STK39: variants seen among roughly 807,000 people sequenced by gnomAD.
The protein encoded by STK39 is STE20/SPS1-related proline-alanine-rich protein kinase.
A neutral mutation model predicts 77.8 loss-of-function variants in STK39; 20 were observed. The ratio of observed to expected loss-of-function variants is 0.26; its 90% CI spans 0.18 to 0.37. The LOEUF (loss-of-function observed/expected upper bound fraction) is 0.37. Among genes scored for constraint, STK39 ranks in the 10% least tolerant of loss-of-function variants. The pLI is 1.00. For synonymous variants in STK39, 246 were observed against 234.1 expected, an observed-to-expected ratio of 1.05 and a Z score of -0.47; for missense variants, 479 against 656.5, an observed-to-expected ratio of 0.73 and a Z score of 2.95.
At chr2:168,199,225 G>A (rs1277191929) in intron 1 of STK39, among the ~76,000 whole-genome samples, 2 of 152,208 alleles carry the variant, frequency 1.3e-5, no homozygotes, top group African/African-American at 4.8e-5. Context: ...AAAGCCAGCA[G>A]CAGCCTCTCT....
intron 2 of STK39, among the ~76,000 whole-genome samples, chr2:168,178,202 G>T (rs41500244): frequency 1.3e-5 from 2 of 152,014 alleles, no homozygotes; most frequent in African/African-American, 4.8e-5. Context: ...AACAAATGTG[G>T]GGTTAACAAA....
intron 5 of STK39, among the ~76,000 whole-genome samples, chr2:168,151,044 C>T (rs552301670): frequency 1.3e-5 from 2 of 152,124 alleles, no homozygotes; most frequent in Non-Finnish European, 1.5e-5. Flanking sequence ...GGGCCCCAAC[C>T]ATGGCATGGT....
At chr2:168,066,242 T>C (rs1685792310) in intron 12 of STK39, among the ~76,000 whole-genome samples, 1 of 152,224 alleles carries the variant, frequency 6.6e-6, no homozygotes, top group Non-Finnish European at 1.5e-5. Context: ...GAAAAGTGTA[T>C]TGATGTCTGC....
intron 1 of STK39, among the ~76,000 whole-genome samples, chr2:168,223,555 G>T (rs1314510480): frequency 6.6e-6 from 1 of 151,254 alleles, no homozygotes; most frequent in Non-Finnish European, 1.5e-5. Flanking sequence ...TTCTTATCCT[G>T]AAGTTTGAGA....
At chr2:168,182,576 A>G (rs996373282) in intron 1 of STK39, among the ~76,000 whole-genome samples, 10 of 152,216 alleles carry the variant, frequency 6.6e-5, no homozygotes, top group African/African-American at 2.4e-4. Context: ...TAGTATTCTC[A>G]TGTTGAAAGC....
At chr2:168,138,669 A>G (rs2105526312) in intron 7 of STK39, among the ~76,000 whole-genome samples, 1 of 152,348 alleles carries the variant, frequency 6.6e-6, no homozygotes, top group South Asian at 2.1e-4. Flanking sequence ...CCCTAAAAAT[A>G]AAACCACAAC....
At chr2:168,136,294 G>A (rs1168740075) in intron 8 of STK39, among the ~76,000 whole-genome samples, 1 of 151,206 alleles carries the variant, frequency 6.6e-6, no homozygotes, top group South Asian at 2.1e-4. Context: ...ACTTGAACCC[G>A]GGAGGTAGAG....
intron 14 of STK39, among the ~76,000 whole-genome samples, chr2:168,054,557 A>C (rs966887004): frequency 7.9e-5 from 12 of 152,236 alleles, no homozygotes; most frequent in African/African-American, 2.9e-4. Context: ...GAGAACACCC[A>C]AAAAATGAAG....
At chr2:167,969,876 AAGCCAT>A (rs1162562924) in intron 16 of STK39, among the ~76,000 whole-genome samples, 1 of 151,790 alleles carries the variant, frequency 6.6e-6, no homozygotes, top group Non-Finnish European at 1.5e-5. Context: ...TCTCAGAGTA[AAGCCAT>A]GGTCTCTACA....
At chr2:168,158,838 A>T (rs1383715044) in intron 5 of STK39, among the ~76,000 whole-genome samples, 2 of 152,226 alleles carry the variant, frequency 1.3e-5, no homozygotes, top group Admixed American at 6.5e-5. Flanking sequence ...CTCAAGACAC[A>T]TTAGTTCCTG....
At chr2:167,981,603 T>C (rs773798525) in intron 16 of STK39, among the ~76,000 whole-genome samples, 1 of 152,224 alleles carries the variant, frequency 6.6e-6, no homozygotes, top group Non-Finnish European at 1.5e-5. Context: ...AAAAAGTCTC[T>C]TGTCCCGGTG....
At chr2:168,183,039 C>A (rs969952569) in intron 1 of STK39, among the ~76,000 whole-genome samples, 2 of 152,284 alleles carry the variant, frequency 1.3e-5, no homozygotes, top group Non-Finnish European at 2.9e-5. Context: ...AAAGGGAAAG[C>A]AGGGGAGTAT....
intron 1 of STK39, among the ~76,000 whole-genome samples, chr2:168,211,162 A>G (rs771188344): frequency 3.3e-5 from 5 of 152,188 alleles, no homozygotes; most frequent in Middle Eastern, 3.2e-3. Flanking sequence ...ATTAGCTATA[A>G]ATCTAGACAA....
At position 168,237,451 on chromosome 2, in the gene STK39, G is replaced by A. The variant is rs1003515169; in HGVS notation, c.208+9777C>T. ...TACCCTTTATTTCCTTCTCCTGCCT[G>A]ATTGCCCTGGCCAGAACTTCCAACA... On this transcript the variant is annotated intron_variant, in intron 1 of 17. Transcript: ENST00000355999. Among the ~76,000 whole-genome samples, 15 of 152,286 alleles carry A rather than the reference G, an allele frequency of 9.8e-5. 1 individual carries two copies. Among genetic ancestry groups the A allele is most frequent in the African/African-American group, 3.4e-4 (14 of 41,572 alleles).
At chr2:168,185,685 G>A (rs1450742080) in intron 1 of STK39, among the ~76,000 whole-genome samples, 1 of 152,042 alleles carries the variant, frequency 6.6e-6, no homozygotes, top group East Asian at 1.9e-4. Flanking sequence ...TGTTTATTTT[G>A]CAAAAATCAC....
chr2:168,066,634 G>C (rs1685801658), intron 12 of STK39, among the ~76,000 whole-genome samples: 2 of 152,200 alleles, frequency 1.3e-5, no homozygotes, highest in African/African-American at 2.4e-5. Flanking sequence ...AAAAACCTTA[G>C]TGGCATTTAC....
At chr2:168,149,749 G>C (rs1243233124) in intron 5 of STK39, among the ~76,000 whole-genome samples, 2 of 152,228 alleles carry the variant, frequency 1.3e-5, no homozygotes, top group South Asian at 4.1e-4. Context: ...AACAGCTCCA[G>C]TATCAAGCAT....
rs373354840 is a variant in STK39 at position 168,023,261 on chromosome 2, CT to C, written c.1377-6167del. 4.1e-3 allele frequency among the ~76,000 whole-genome samples: 568 copies of C among 139,726 alleles called. 1 individual carries two copies. Among genetic ancestry groups the C allele is most frequent in the Admixed American group, 4.7e-3 (65 of 13,846 alleles). The allele number at this position is 139,726 out of a possible 152,430, so 91.7% of individuals were successfully genotyped here. On this transcript the variant is annotated intron_variant, in intron 14 of 17. Coordinates refer to ENST00000355999, the MANE Select transcript of STK39 (RefSeq NM_013233.3). ...GTAATTGATGTTCAGTGCTGACAAA[CT>C]TTTTTTTTTTTTTTTGCTATGTCTA...
intron 17 of STK39, among the ~76,000 whole-genome samples, chr2:167,956,330 A>G (rs560683694): frequency 1.3e-5 from 2 of 152,174 alleles, no homozygotes; most frequent in African/African-American, 2.4e-5. Context: ...GGGCCGAGGC[A>G]GGTGGATCAT....
Sources: allele counts gnomAD v4.1 joint callset (sites outside exome capture counted in the v4.1 genomes callset), GRCh38; gene constraint gnomAD v4.1.1; transcripts MANE v1.5; gene names NCBI Gene and HGNC (gene_info 2026-07-23, HGNC 2026-07-21).